CALN1: variants seen among roughly 807,000 people sequenced by gnomAD.
CALN1 encodes the protein calneuron 1, also known as calcium-binding protein 8.
CALN1 carries 17 observed loss-of-function variants against 30.6 expected under a neutral mutation model. The ratio of observed to expected loss-of-function variants is 0.56; its 90% confidence interval spans 0.38 to 0.83. The LOEUF (loss-of-function observed/expected upper bound fraction) is 0.83. Among genes scored for constraint, CALN1 ranks in the 40% least tolerant of loss-of-function variants. The pLI is 0.00. For missense variants in CALN1, 291 were observed against 354.9 expected (o/e 0.82, Z 1.45); for synonymous variants, 156 against 131.4 (o/e 1.19, Z -1.28).
At chr7:72,301,610 C>CAAAAAA (rs34940935) in intron 2 of CALN1, among the ~76,000 whole-genome samples, 5 of 104,264 alleles carry the variant, frequency 4.8e-5, no homozygotes, top group Non-Finnish European at 5.4e-5. Context: ...CTTTGTCTCT[C>CAAAAAA]AAAAAAAAAA....
At chr7:71,848,301 A>G (rs1014681756) in intron 5 of CALN1, among the ~76,000 whole-genome samples, 1 of 152,224 alleles carries the variant, frequency 6.6e-6, no homozygotes, top group African/African-American at 2.4e-5. Context: ...CTTGCTAATC[A>G]AATTTGATGC....
chr7:72,126,262 G>A (rs1288491000), intron 3 of CALN1, among the ~76,000 whole-genome samples: 9 of 151,936 alleles, frequency 5.9e-5, no homozygotes, highest in Admixed American at 4.6e-4. Context: ...CCATTTTATG[G>A]CTATTATTCC....
At chr7:72,336,512 C>G (rs950321960) in intron 2 of CALN1, among the ~76,000 whole-genome samples, 4 of 151,730 alleles carry the variant, frequency 2.6e-5, no homozygotes, top group African/African-American at 9.7e-5. Context: ...GGCCCCCAGC[C>G]CGCGGGGTGG....
chr7:72,214,924 T>A (rs558098), intron 3 of CALN1, among the ~76,000 whole-genome samples: 2 of 150,714 alleles, frequency 1.3e-5, no homozygotes, highest in African/African-American at 4.9e-5. Context: ...CTCCCATCAC[T>A]CCCAGATAGG....
At chr7:71,894,760 G>GT (rs1046256846) in intron 5 of CALN1, among the ~76,000 whole-genome samples, 3 of 152,108 alleles carry the variant, frequency 2.0e-5, no homozygotes, top group African/African-American at 7.2e-5. Context: ...AGCATGATAT[G>GT]TTTTTTCACT....
intron 3 of CALN1, among the ~76,000 whole-genome samples, chr7:72,160,715 A>C (rs1344423927): frequency 6.6e-6 from 1 of 152,154 alleles, no homozygotes; most frequent in African/African-American, 2.4e-5. Context: ...TATAGTAAGG[A>C]GCTACTTATT....
chr7:72,246,317 C>T (rs1435045250), intron 3 of CALN1, among the ~76,000 whole-genome samples: 3 of 152,082 alleles, frequency 2.0e-5, no homozygotes, highest in African/African-American at 7.2e-5. Flanking sequence ...ATGCTGACAC[C>T]ATTGTGAGGG....
At chr7:72,069,132 G>A (rs1363280920) in intron 4 of CALN1, among the ~76,000 whole-genome samples, 2 of 152,180 alleles carry the variant, frequency 1.3e-5, no homozygotes, top group African/African-American at 4.8e-5. Flanking sequence ...AAGTGACACT[G>A]CAAAGTGGCT....
chr7:72,428,398 T>A (rs1358066776), intron 1 of CALN1, among the ~76,000 whole-genome samples: 1 of 97,524 alleles, frequency 1.0e-5, no homozygotes, highest in African/African-American at 3.9e-5. Flanking sequence ...TATTTTATTA[T>A]TTTTTTTTTT....
rs1792977561 is a variant in CALN1 at position 71,786,269 on chromosome 7, G to A, written c.*1506C>T. Reference sequence around the variant, plus strand: ...CTCGCTACTGGAAGGGGGGAAGCATGTAGTTTTAGGATGTAATCAAAAGAA... The same window carrying A: ...CTCGCTACTGGAAGGGGGGAAGCATATAGTTTTAGGATGTAATCAAAAGAA... On this transcript the variant is annotated 3_prime_UTR_variant, in exon 7 of 7. Transcript: ENST00000395275. 2 of 152,214 alleles carry A rather than the reference G, an allele frequency of 1.3e-5. No homozygotes were observed. Among genetic ancestry groups the A allele is most frequent in the South Asian group, 4.1e-4 (2 of 4,826 alleles). The allele number at this position is 152,214 out of a possible 1,614,324, so 9.4% of individuals were successfully genotyped here. A position where few individuals can be genotyped will look rare whatever the true frequency, so the allele number is the denominator to read the frequency against.
Position 72,433,190 on chromosome 7 carries a change from T to C in CALN1, c.-226+13852A>G, listed in dbSNP as rs572476689. ...CCCCTTGGAGAAGTCTTTGAGATAT[T>C]GATCGCCCTCCAGCAGCCCCCTGAC... On this transcript the variant is annotated intron_variant, in intron 1 of 6. Coordinates refer to the CALN1 transcript ENST00000395276. Among the ~76,000 whole-genome samples, 11 of 152,246 alleles carry C rather than the reference T, an allele frequency of 7.2e-5. No homozygotes were observed. The East Asian group carries it at 1.9e-3, about 27-fold the overall frequency.
chr7:72,217,915 TCA>T (rs1792960817), intron 3 of CALN1, among the ~76,000 whole-genome samples: 1 of 133,082 alleles, frequency 7.5e-6, no homozygotes, highest in African/African-American at 2.8e-5. Context: ...CTATCTCGGC[TCA>T]CTGCAAGCTC....
chr7:72,361,498 C>T (rs1803566326), intron 2 of CALN1, among the ~76,000 whole-genome samples: 1 of 152,024 alleles, frequency 6.6e-6, no homozygotes, highest in African/African-American at 2.4e-5. Context: ...AGAGCAAGAC[C>T]CTGTCTCTAA....
At chr7:72,288,833 C>T (rs915238530) in intron 2 of CALN1, among the ~76,000 whole-genome samples, 1 of 152,108 alleles carries the variant, frequency 6.6e-6, no homozygotes, top group Non-Finnish European at 1.5e-5. Context: ...ATTTTTAACC[C>T]CTTTTCCCCA....
chr7:72,368,073 A>C (rs1034778114), intron 2 of CALN1, among the ~76,000 whole-genome samples: 5 of 152,010 alleles, frequency 3.3e-5, no homozygotes, highest in African/African-American at 4.8e-5. Context: ...GTGAGCCGAG[A>C]CTGCGCCACT....
At chr7:72,447,426 C>G (rs1039882204), upstream of CALN1, among the ~76,000 whole-genome samples, 21 of 152,150 alleles carry the variant, frequency 1.4e-4, no homozygotes, top group African/African-American at 5.1e-4. Flanking sequence ...TGTGGACCCA[C>G]GCACTGCCTA....
the CALN1 span, among the ~76,000 whole-genome samples, chr7:72,491,801 T>A: frequency 5.3e-5 from 8 of 152,310 alleles, no homozygotes; most frequent in Admixed American, 3.3e-4. Flanking sequence ...TATCCTCTCA[T>A]TAAGTGACCA....
intron 3 of CALN1, among the ~76,000 whole-genome samples, chr7:72,178,021 G>C (rs1789489161): frequency 6.6e-6 from 1 of 152,134 alleles, no homozygotes; most frequent in Admixed American, 6.5e-5. Flanking sequence ...TTGAATCTGA[G>C]GCCTTTTATT....
chr7:72,272,984 G>C (rs1797094685), intron 3 of CALN1, among the ~76,000 whole-genome samples: 1 of 151,932 alleles, frequency 6.6e-6, no homozygotes, highest in Admixed American at 6.6e-5. Context: ...GAGAGAGGAA[G>C]AACAAACAAC....
Sources: gnomAD v4.1 joint callset for allele counts (sites outside exome capture counted in the v4.1 genomes callset) on GRCh38, gnomAD v4.1.1 for gene constraint, MANE v1.5 for transcripts, NCBI Gene and HGNC (gene_info 2026-07-23, HGNC 2026-07-21) for gene names.